Variants in PAWR observed in about 807,000 individuals in gnomAD.
The protein encoded by PAWR is pro-apoptotic WT1 regulator, also known as PRKC apoptosis WT1 regulator protein.
Under a neutral mutation model 32.0 loss-of-function variants are expected in PAWR, and 23 were observed. The ratio of observed to expected loss-of-function variants is 0.72; its 90% CI spans 0.52 to 1.02. PAWR has a LOEUF of 1.02. PAWR is among the 50% of genes least tolerant of loss of function. The probability of loss-of-function intolerance (pLI) is 0.00; values close to 1 mark genes in which losing one functional copy is unlikely to be tolerated. For missense variants in PAWR, 457 were observed against 437.7 expected, an observed-to-expected ratio of 1.04 and a Z score of -0.39; for synonymous variants, 226 against 187.1, an observed-to-expected ratio of 1.21 and a Z score of -1.70.
At chr12:79,635,569 G>A (rs1215403403) in intron 2 of PAWR, 2 of 152,134 alleles carry the variant, frequency 1.3e-5, no homozygotes, top group Non-Finnish European at 2.9e-5. Context: ...CAAAGCAGGA[G>A]AAGTACAGGA....
At chr12:79,596,458 G>A in intron 5 of PAWR, 53 bp downstream of exon 5, 1 of 887,186 alleles carries the variant, frequency 1.1e-6, no homozygotes, top group East Asian at 2.7e-5. Flanking sequence ...TGAAACAAAA[G>A]AATTCTAATG....
At chr12:79,678,052 A>G (rs1014360567) in intron 2 of PAWR, among the ~76,000 whole-genome samples, 2 of 152,200 alleles carry the variant, frequency 1.3e-5, no homozygotes, top group Admixed American at 1.3e-4. Flanking sequence ...ATCACTTGGT[A>G]CAACTTTGTT....
At chr12:79,608,068 A>T (rs1234928158) in intron 4 of PAWR, among the ~76,000 whole-genome samples, 1 of 151,938 alleles carries the variant, frequency 6.6e-6, no homozygotes, top group Non-Finnish European at 1.5e-5. Context: ...AAAAAAAATC[A>T]TAAAGTTCCA....
chr12:79,652,673 T>G (rs1332336266), intron 2 of PAWR, among the ~76,000 whole-genome samples: 2 of 152,236 alleles, frequency 1.3e-5, no homozygotes, highest in Admixed American at 1.3e-4. Flanking sequence ...TCAGCAAATC[T>G]TTTCATCAAT....
chr12:79,613,565 G>C lies in PAWR; in HGVS notation c.683+10C>G. 5 of 1,457,238 alleles carry C rather than the reference G, an allele frequency of 3.4e-6. No individual in the cohort carries two copies. The highest frequency in any genetic ancestry group is 4.8e-6 in the Non-Finnish European group (5 of 1,044,968). 90.3% of individuals were successfully genotyped at this position (1,457,238 alleles called of 1,614,324 possible). A position where few individuals can be genotyped will look rare whatever the true frequency, so the allele number is the denominator to read the frequency against. ...TGTCTACAATATGTTTAAGTCATAAGGATTCTTACCTTTTATATCTGCCTG... is the reference window on the plus strand; with the variant it reads ...TGTCTACAATATGTTTAAGTCATAACGATTCTTACCTTTTATATCTGCCTG... On this transcript the variant is annotated intron_variant, in intron 4 of 6. Transcript: ENST00000328827.
chr12:79,668,645 G>T lies in PAWR; in HGVS notation c.516+21084C>A, dbSNP rs1158063705. Among the ~76,000 whole-genome samples, 3 of 152,188 alleles carry T rather than the reference G, an allele frequency of 2.0e-5. No individual in the cohort carries two copies. The East Asian group carries it at 5.8e-4, about 29-fold the overall frequency. On this transcript the variant is annotated intron_variant, in intron 2 of 6. Transcript: ENST00000328827. ...CCTCACATGCGCAGTTCAAAAGAGGGTTCGTGTTCCTATGAGAATCTAAGG... is the reference window on the plus strand; with the variant it reads ...CCTCACATGCGCAGTTCAAAAGAGGTTTCGTGTTCCTATGAGAATCTAAGG...
chr12:79,638,930 T>G (rs1352200431), intron 2 of PAWR, among the ~76,000 whole-genome samples: 2 of 100,878 alleles, frequency 2.0e-5, no homozygotes, highest in African/African-American at 8.3e-5. Context: ...TTTTTTTTTT[T>G]GAGATGGAGT....
chr12:79,617,351 C>CA (rs1426520953), intron 3 of PAWR, among the ~76,000 whole-genome samples: 1 of 151,810 alleles, frequency 6.6e-6, no homozygotes, highest in Non-Finnish European at 1.5e-5. Context: ...GACTCCGTCT[C>CA]AAAAAACAAC....
chr12:79,658,158 T>A (rs960451264), intron 2 of PAWR, among the ~76,000 whole-genome samples: 1 of 152,166 alleles, frequency 6.6e-6, no homozygotes, highest in Non-Finnish European at 1.5e-5. Context: ...ATTTGACAGT[T>A]AAGAAAAACA....
chr12:79,629,461 A>T (rs780305019), intron 2 of PAWR, among the ~76,000 whole-genome samples: 1 of 152,156 alleles, frequency 6.6e-6, no homozygotes, highest in Non-Finnish European at 1.5e-5. Flanking sequence ...TAGTCACCAA[A>T]TAAAGGAGCT....
chr12:79,650,054 G>A (rs1284525983), intron 2 of PAWR, among the ~76,000 whole-genome samples: 1 of 152,104 alleles, frequency 6.6e-6, no homozygotes, highest in South Asian at 2.1e-4. Flanking sequence ...AGGAGGTGGC[G>A]CTCAGGCCGT....
intron 4 of PAWR, among the ~76,000 whole-genome samples, chr12:79,600,304 A>C (rs1488706498): frequency 1.3e-5 from 2 of 152,172 alleles, no homozygotes; most frequent in East Asian, 3.8e-4. Context: ...CTGACTTATA[A>C]ATAATACAAA....
At chr12:79,613,037 C>T (rs1009527014) in intron 4 of PAWR, among the ~76,000 whole-genome samples, 2 of 152,088 alleles carry the variant, frequency 1.3e-5, no homozygotes, top group African/African-American at 2.4e-5. Context: ...CCTCATGATG[C>T]GATTAGTTCC....
At position 79,586,133 on chromosome 12, in the gene PAWR, C is replaced by T. The variant is rs372731583; in HGVS notation, c.*6474G>A. 1.1e-4 allele frequency: 17 copies of T among 152,280 alleles called. No individual in the cohort carries two copies. The highest frequency in any genetic ancestry group is 3.4e-4 in the African/African-American group (14 of 41,550). 9.4% of individuals were successfully genotyped at this position (152,280 alleles called of 1,614,324 possible). ...GATGTTGTTTATTGTCCTAAGCCATCCATACACAAAACGTTTAATGTGTTA... is the reference window on the plus strand; with the variant it reads ...GATGTTGTTTATTGTCCTAAGCCATTCATACACAAAACGTTTAATGTGTTA... On this transcript the variant is annotated 3_prime_UTR_variant, in exon 7 of 7. Transcript: ENST00000328827.
chr12:79,637,185 G>C (rs917477004), intron 2 of PAWR, among the ~76,000 whole-genome samples: 2 of 152,062 alleles, frequency 1.3e-5, no homozygotes, highest in Non-Finnish European at 2.9e-5. Flanking sequence ...CCCTAAAAGG[G>C]GGATGGGCAG....
chr12:79,596,910 G>A (rs138413058), intron 4 of PAWR: 24 of 371,200 alleles, frequency 6.5e-5, no homozygotes, highest in African/African-American at 4.4e-4. Context: ...TACTGAAGAC[G>A]TAACAGCAAA....
chr12:79,617,459 T>C (rs1314839966), intron 3 of PAWR, among the ~76,000 whole-genome samples: 2 of 152,116 alleles, frequency 1.3e-5, no homozygotes, highest in Non-Finnish European at 2.9e-5. Flanking sequence ...CTTATGCATG[T>C]TAAAAATGGG....
intron 2 of PAWR, among the ~76,000 whole-genome samples, chr12:79,670,101 A>G (rs960395889): frequency 2.6e-5 from 4 of 152,180 alleles, no homozygotes; most frequent in African/African-American, 9.6e-5. Context: ...TGAAACAGGA[A>G]AAAAAATTAA....
At chr12:79,620,218 AAAT>A (rs1181818603) in intron 3 of PAWR, among the ~76,000 whole-genome samples, 6 of 152,240 alleles carry the variant, frequency 3.9e-5, no homozygotes, top group Admixed American at 2.0e-4. Context: ...ATAACTGATA[AAAT>A]AAGAAAATGA....
Sources: allele counts gnomAD v4.1 joint callset (sites outside exome capture counted in the v4.1 genomes callset), GRCh38; gene constraint gnomAD v4.1.1; transcripts MANE v1.5; gene names NCBI Gene and HGNC (gene_info 2026-07-23, HGNC 2026-07-21).